Variants in FRYL observed in about 807,000 individuals in gnomAD.
FRYL encodes protein furry homolog-like.
FRYL carries 150 observed loss-of-function variants against 351.2 expected under a neutral mutation model. The ratio of observed to expected loss-of-function variants is 0.43; its 90% CI spans 0.37 to 0.49. FRYL has a LOEUF of 0.49. Ranked by LOEUF, FRYL falls within the 20% of genes least tolerant of loss-of-function variation. FRYL has a pLI of 0.00. For synonymous variants in FRYL, 1,153 were observed against 1,257.1 expected, an observed-to-expected ratio of 0.92 and a Z score of 1.75; for missense variants, 3,036 against 3,619.3, an observed-to-expected ratio of 0.84 and a Z score of 4.13.
intron 2 of FRYL, among the ~76,000 whole-genome samples, chr4:48,705,406 T>C (rs1347790150): frequency 5.9e-5 from 9 of 151,356 alleles, no homozygotes; most frequent in Admixed American, 5.9e-4. Flanking sequence ...AATGGGTTAT[T>C]ATATAGCTAT....
At chr4:48,534,340 T>C (rs1238223406) in intron 49 of FRYL, among the ~76,000 whole-genome samples, 1 of 152,236 alleles carries the variant, frequency 6.6e-6, no homozygotes, top group Non-Finnish European at 1.5e-5. Flanking sequence ...AAATTGTTAA[T>C]ACGAAAAGTA....
At chr4:48,717,122 T>G (rs1227539913) in intron 1 of FRYL, among the ~76,000 whole-genome samples, 1 of 68,498 alleles carries the variant, frequency 1.5e-5, no homozygotes, top group Non-Finnish European at 2.6e-5. Context: ...GGGACTGTTG[T>G]GGGGTGGGGG....
chr4:48,651,555 C>G (rs1369845085), intron 3 of FRYL, among the ~76,000 whole-genome samples: 1 of 152,094 alleles, frequency 6.6e-6, no homozygotes, highest in Non-Finnish European at 1.5e-5. Flanking sequence ...GCACACACAA[C>G]ATTTCTCATT....
rs773219705 is a variant in FRYL, at chr4:48,499,093, T to C, written c.*329A>G. 7 of 219,334 alleles carry C rather than the reference T, an allele frequency of 3.2e-5. No homozygotes were observed. The highest frequency in any genetic ancestry group is 3.7e-5 in the Non-Finnish European group (4 of 109,472). The allele number at this position is 219,334 out of a possible 1,614,324, so 13.6% of individuals were successfully genotyped here. A position where few individuals can be genotyped will look rare whatever the true frequency, so the allele number is the denominator to read the frequency against. ...TTGGTTGTTTCAGTATTGGAGGCCA[T>C]TATTGCAAACATTCTTGGAATTCTT... On this transcript the variant is annotated 3_prime_UTR_variant, in exon 64 of 64. Coordinates refer to ENST00000358350, the MANE Select transcript of FRYL (RefSeq NM_015030.2).
At chr4:48,763,511 AC>A (rs1309235722) in intron 1 of FRYL, among the ~76,000 whole-genome samples, 1 of 152,208 alleles carries the variant, frequency 6.6e-6, no homozygotes, top group Non-Finnish European at 1.5e-5. Flanking sequence ...TGTTCCTAAT[AC>A]TTAATCATTC....
chr4:48,595,811 G>A, intron 14 of FRYL, 86 bp downstream of exon 14: 1 of 1,121,444 alleles, frequency 8.9e-7, no homozygotes, highest in East Asian at 2.5e-5. Flanking sequence ...CACCCACAAA[G>A]TATAATGTTT....
intron 3 of FRYL, among the ~76,000 whole-genome samples, chr4:48,657,353 CTTT>C (rs371640944): frequency 2.5e-5 from 3 of 122,374 alleles, no homozygotes; most frequent in Non-Finnish European, 3.3e-5. Context: ...CTTTTCTTTT[CTTT>C]TTTTTTTTTT....
chr4:48,550,777 C>A, intron 37 of FRYL, 73 bp from the exon 38 acceptor site: 1 of 1,158,846 alleles, frequency 8.6e-7, no homozygotes, highest in Non-Finnish European at 1.3e-6. Flanking sequence ...TTCACTTTCT[C>A]TGTTTAAAAA....
At position 48,506,615 on chromosome 4, in the gene FRYL, A is replaced by AATATAT. The variant is rs55736457; in HGVS notation, c.8395-1006_8395-1001dup. On this transcript the variant is annotated intron_variant, in intron 59 of 63. Coordinates refer to ENST00000358350, the MANE Select transcript of FRYL (RefSeq NM_015030.2). ...AATTATACTATTAAACAATACAACT[A>AATATAT]ATATATATATATATATATATATATA... 27 of 71,732 alleles carry AATATAT rather than the reference A, an allele frequency of 3.8e-4. 1 individual carries two copies. The highest frequency in any genetic ancestry group is 6.9e-4 in the East Asian group (2 of 2,878). The allele number at this position is 71,732 out of a possible 1,614,324, so 4.4% of individuals were successfully genotyped here.
At chr4:48,755,714 G>C (rs774837572) in intron 1 of FRYL, among the ~76,000 whole-genome samples, 1 of 151,932 alleles carries the variant, frequency 6.6e-6, no homozygotes, top group Non-Finnish European at 1.5e-5. Context: ...GGTACATAAA[G>C]CACAATGACC....
intron 1 of FRYL, among the ~76,000 whole-genome samples, chr4:48,716,456 G>A (rs1019892221): frequency 6.6e-6 from 1 of 151,578 alleles, no homozygotes; most frequent in Non-Finnish European, 1.5e-5. Context: ...CCGTCAGAAA[G>A]TGGGCGAAGG....
At chr4:48,743,407 A>G (rs1284425982) in intron 1 of FRYL, among the ~76,000 whole-genome samples, 4 of 152,162 alleles carry the variant, frequency 2.6e-5, no homozygotes, top group Non-Finnish European at 5.9e-5. Context: ...CTTCCATATA[A>G]TAATTCAAGA....
intron 18 of FRYL, among the ~76,000 whole-genome samples, chr4:48,587,386 G>A (rs1458715545): frequency 6.6e-6 from 1 of 151,868 alleles, no homozygotes; most frequent in Non-Finnish European, 1.5e-5. Context: ...TATTTTAAAT[G>A]TCTAACCTCT....
chr4:48,533,732 T>C (rs1329934117), intron 49 of FRYL, among the ~76,000 whole-genome samples: 5 of 152,276 alleles, frequency 3.3e-5, no homozygotes, highest in East Asian at 1.9e-4. Flanking sequence ...AAAGGTGAAA[T>C]TCAGCAAAGA....
intron 4 of FRYL, among the ~76,000 whole-genome samples, chr4:48,625,288 T>G (rs1235124756): frequency 6.6e-6 from 1 of 152,078 alleles, no homozygotes; most frequent in African/African-American, 2.4e-5. Context: ...AGGGAAAAAA[T>G]GTATACACAT....
intron 4 of FRYL, among the ~76,000 whole-genome samples, chr4:48,624,807 C>T (rs1399888476): frequency 6.6e-6 from 1 of 152,178 alleles, no homozygotes; most frequent in Non-Finnish European, 1.5e-5. Context: ...TTGCCTTCCC[C>T]TATGTGGGTA....
chr4:48,547,519 T>C (rs983869759), intron 41 of FRYL, 65 bp downstream of exon 41: 2 of 886,686 alleles, frequency 2.3e-6, no homozygotes, highest in South Asian at 3.1e-5. Context: ...TGACTTTCTC[T>C]AATGCAGGAT....
At chr4:48,609,678 G>T in intron 8 of FRYL, 66 bp downstream of exon 8, 1 of 705,522 alleles carries the variant, frequency 1.4e-6, no homozygotes, top group Non-Finnish European at 2.4e-6. Flanking sequence ...TGATCAGTAA[G>T]ACTTAAAATA....
intron 3 of FRYL, among the ~76,000 whole-genome samples, chr4:48,677,621 G>C (rs1327629605): frequency 1.3e-5 from 2 of 152,090 alleles, no homozygotes; most frequent in Admixed American, 1.3e-4. Flanking sequence ...ATGTTGGCCA[G>C]ACTGATCTCA....
Sources: gnomAD v4.1 joint callset for allele counts (sites outside exome capture counted in the v4.1 genomes callset) on GRCh38, gnomAD v4.1.1 for gene constraint, MANE v1.5 for transcripts, NCBI Gene and HGNC (gene_info 2026-07-23, HGNC 2026-07-21) for gene names.